The following SLC44A5 variants were observed in gnomAD, a reference collection of about 807,000 sequenced individuals.
The protein encoded by SLC44A5 is choline transporter-like protein 5.
Under a neutral mutation model 101.8 loss-of-function variants are expected in SLC44A5, and 57 were observed. That is an observed-to-expected ratio of 0.56 (90% confidence interval 0.45 to 0.70). The LOEUF is 0.70. Among genes scored for constraint, SLC44A5 ranks in the 30% least tolerant of loss-of-function variants. The pLI is 0.00. For synonymous variants in SLC44A5, 281 were observed against 290.9 expected (o/e 0.97, Z 0.35); for missense variants, 737 against 853.1 (o/e 0.86, Z 1.70).
At chr1:75,440,177 T>C (rs1333174663) in intron 2 of SLC44A5, among the ~76,000 whole-genome samples, 1 of 152,138 alleles carries the variant, frequency 6.6e-6, no homozygotes. Flanking sequence ...TGTAATTAAA[T>C]ATGTCAGATA....
chr1:75,551,624 A>C (rs2101981829), intron 1 of SLC44A5, among the ~76,000 whole-genome samples: 1 of 152,100 alleles, frequency 6.6e-6, no homozygotes, highest in African/African-American at 2.4e-5. Flanking sequence ...GGGTCTGTTA[A>C]CCTCTAGGTG....
intron 2 of SLC44A5, among the ~76,000 whole-genome samples, chr1:75,522,609 G>C (rs190812669): frequency 6.6e-6 from 1 of 152,094 alleles, no homozygotes; most frequent in Non-Finnish European, 1.5e-5. Flanking sequence ...TTCCCAGTCT[G>C]GTCCTCTCCC....
At chr1:75,408,650 T>C (rs894842653) in intron 2 of SLC44A5, among the ~76,000 whole-genome samples, 2 of 151,192 alleles carry the variant, frequency 1.3e-5, no homozygotes, top group Non-Finnish European at 2.9e-5. Context: ...TAAGTGGGAG[T>C]TGAACAGTGA....
intron 3 of SLC44A5, among the ~76,000 whole-genome samples, chr1:75,343,778 GTGTTT>G (rs1290698398): frequency 6.6e-6 from 1 of 152,078 alleles, no homozygotes; most frequent in African/African-American, 2.4e-5. Context: ...ACTTAAGTAC[GTGTTT>G]TGTTTTATTT....
intron 2 of SLC44A5, among the ~76,000 whole-genome samples, chr1:75,418,321 T>C (rs1371364221): frequency 1.3e-5 from 2 of 152,198 alleles, no homozygotes; most frequent in African/African-American, 2.4e-5. Context: ...GAGCTTATCA[T>C]CTACCAGGCA....
intron 1 of SLC44A5, among the ~76,000 whole-genome samples, chr1:75,589,638 CA>C (rs1481293264): frequency 1.3e-5 from 2 of 152,176 alleles, no homozygotes; most frequent in East Asian, 3.9e-4. Context: ...GTTTTACCTT[CA>C]TATCACAGAA....
At chr1:75,692,225 G>A in the SLC44A5 span, among the ~76,000 whole-genome samples, 4 of 121,094 alleles carry the variant, frequency 3.3e-5, no homozygotes, top group Non-Finnish European at 4.8e-5. Context: ...ACAGAGTCTC[G>A]CTCTGTTGCC....
At position 75,553,646 on chromosome 1, in the gene SLC44A5, A is replaced by G. The variant is rs79557041; in HGVS notation, c.-69-12130T>C. ...CAATAAAAGATTCCATGTTGAGTTGACTGGTCACCCATACAGATGGCTGGA... is the reference window on the plus strand; with the variant it reads ...CAATAAAAGATTCCATGTTGAGTTGGCTGGTCACCCATACAGATGGCTGGA... On this transcript the variant is annotated intron_variant, in intron 1 of 23. Coordinates refer to ENST00000370859, the MANE Select transcript of SLC44A5 (RefSeq NM_001130058.2). 7.4e-4 allele frequency among the ~76,000 whole-genome samples: 112 copies of G among 152,302 alleles called. 2 individuals are homozygous for G. The East Asian group carries it at 0.02, about 27-fold the overall frequency.
upstream of SLC44A5, chr1:75,615,740 TC>T: frequency 1.6e-6 from 1 of 611,524 alleles, no homozygotes; most frequent in Non-Finnish European, 2.1e-6. Context: ...GGCAAACTCT[TC>T]CCCGGCAGGA....
chr1:75,616,033 C>T (rs546622406), upstream of SLC44A5: 8 of 340,616 alleles, frequency 2.3e-5, no homozygotes, highest in South Asian at 8.2e-4. Context: ...GGCCGGGCTG[C>T]GCGCTCAGCT....
intron 2 of SLC44A5, among the ~76,000 whole-genome samples, chr1:75,539,591 C>CA (rs35332749): frequency 0.38 from 56,750 of 150,052 alleles, 11,034 homozygotes; most frequent in Non-Finnish European, 0.44. Context: ...GTAAAAACTG[C>CA]AAAAAAAAAA....
intron 4 of SLC44A5, among the ~76,000 whole-genome samples, chr1:75,320,894 CTACTGA>C (rs1386539929): frequency 6.6e-6 from 1 of 152,076 alleles, no homozygotes; most frequent in African/African-American, 2.4e-5. Context: ...CACAAATAAG[CTACTGA>C]TACATGACCG....
At chr1:75,357,833 T>C (rs1329228703) in intron 3 of SLC44A5, among the ~76,000 whole-genome samples, 1 of 152,204 alleles carries the variant, frequency 6.6e-6, no homozygotes, top group Non-Finnish European at 1.5e-5. Context: ...AACCTTGCTC[T>C]CAAATCTCAT....
At chr1:75,719,663 C>G in the SLC44A5 span, among the ~76,000 whole-genome samples, 223 of 152,274 alleles carry the variant, frequency 1.5e-3, 1 homozygote, top group Admixed American at 3.1e-3. Flanking sequence ...TTCTGGCATA[C>G]AAATTCTCTT....
At chr1:75,718,622 G>C in the SLC44A5 span, among the ~76,000 whole-genome samples, 1 of 152,308 alleles carries the variant, frequency 6.6e-6, no homozygotes, top group South Asian at 2.1e-4. Flanking sequence ...CCTGAGGAGT[G>C]CAAAGAGGAT....
At chr1:75,269,081 C>T (rs1651242878) in intron 6 of SLC44A5, among the ~76,000 whole-genome samples, 1 of 152,010 alleles carries the variant, frequency 6.6e-6, no homozygotes, top group Admixed American at 6.6e-5. Flanking sequence ...GATTTTTTCT[C>T]CTCACTCTGG....
the SLC44A5 span, among the ~76,000 whole-genome samples, chr1:75,657,206 T>A: frequency 6.6e-6 from 1 of 151,980 alleles, no homozygotes; most frequent in African/African-American, 2.4e-5. Flanking sequence ...AAGATCCAAC[T>A]ATATGCTGCC....
At chr1:75,626,879 T>G in the SLC44A5 span, among the ~76,000 whole-genome samples, 1 of 152,132 alleles carries the variant, frequency 6.6e-6, no homozygotes, top group South Asian at 2.1e-4. Flanking sequence ...ATGAGCTTCC[T>G]ATGTCATGTA....
intron 1 of SLC44A5, among the ~76,000 whole-genome samples, chr1:75,551,831 C>T (rs979944901): frequency 2.6e-5 from 4 of 151,982 alleles, no homozygotes; most frequent in Non-Finnish European, 4.4e-5. Context: ...GTTAGACTCT[C>T]GGTCAACATG....
Sources: gnomAD v4.1 joint callset for allele counts (sites outside exome capture counted in the v4.1 genomes callset) on GRCh38, gnomAD v4.1.1 for gene constraint, MANE v1.5 for transcripts, NCBI Gene and HGNC (gene_info 2026-07-23, HGNC 2026-07-21) for gene names.